TRIM5: variants seen among roughly 807,000 people sequenced by gnomAD.
TRIM5 encodes tripartite motif-containing protein 5.
Under a neutral mutation model 35.6 loss-of-function variants are expected in TRIM5, and 31 were observed. The ratio of observed to expected loss-of-function variants is 0.87; its 90% CI spans 0.65 to 1.18. The LOEUF is 1.18. Among genes scored for constraint, TRIM5 ranks in the 50% most tolerant of loss-of-function variants. The pLI is 0.00. For missense variants in TRIM5, 609 were observed against 591.6 expected (o/e 1.03, Z -0.31); for synonymous variants, 243 against 215.6 (o/e 1.13, Z -1.11).
chr11:5,663,089 C>T, downstream of TRIM5: 2 of 355,818 alleles, frequency 5.6e-6, no homozygotes, highest in Non-Finnish European at 7.8e-6. Flanking sequence ...CGTGCCATTG[C>T]ACTCCAGCTT....
chr11:5,631,394 A>C, the TRIM5 span, among the ~76,000 whole-genome samples: 1 of 152,226 alleles, frequency 6.6e-6, no homozygotes, highest in African/African-American at 2.4e-5. Context: ...TGTTCACTCC[A>C]ATTCTACCAT....
At chr11:5,680,509 C>G (rs1323567264) in intron 1 of TRIM5, among the ~76,000 whole-genome samples, 1 of 152,178 alleles carries the variant, frequency 6.6e-6, no homozygotes, top group Non-Finnish European at 1.5e-5. Flanking sequence ...AGAAAACAGA[C>G]TGAGGTCTTT....
chr11:5,609,423 C>G, the TRIM5 span, among the ~76,000 whole-genome samples: 3 of 152,254 alleles, frequency 2.0e-5, no homozygotes, highest in Admixed American at 1.3e-4. Flanking sequence ...TTTCAAAGCC[C>G]CAGCAATAGG....
chr11:5,627,016 A>G, the TRIM5 span, among the ~76,000 whole-genome samples: 4 of 152,140 alleles, frequency 2.6e-5, no homozygotes, highest in Admixed American at 2.6e-4. Flanking sequence ...GAGTGACATG[A>G]TTGACATCTG....
chr11:5,608,854 T>TTC, the TRIM5 span, among the ~76,000 whole-genome samples: 2 of 142,466 alleles, frequency 1.4e-5, no homozygotes, highest in Non-Finnish European at 3.0e-5. Flanking sequence ...TAAATTTTTT[T>TTC]TTTTTTTTTT....
the TRIM5 span, chr11:5,632,790 T>G: frequency 6.6e-7 from 1 of 1,509,456 alleles, no homozygotes; most frequent in African/African-American, 1.4e-5. Flanking sequence ...GGGCAGAAGA[T>G]GGTAGTTGGT....
At position 5,670,278 on chromosome 11, in the gene TRIM5, T is replaced by C. The variant is rs371518841; in HGVS notation, c.745-2567A>G. Among the ~76,000 whole-genome samples, 993 of 146,802 alleles carry C rather than the reference T, an allele frequency of 6.8e-3. 7 individuals are homozygous for C. The highest frequency in any genetic ancestry group is 0.012 in the African/African-American group (457 of 39,678). On this transcript the variant is annotated intron_variant, in intron 4 of 7. Transcript: ENST00000380034. ...CTGCAAGCTCTGCCTCCTGGGTTCA[T>C]GCCATTCTCCTGTTTCAGCCTCCCG...
the TRIM5 span, among the ~76,000 whole-genome samples, chr11:5,593,089 C>A: frequency 0.19 from 29,328 of 151,924 alleles, 2,936 homozygotes; most frequent in Middle Eastern, 0.32. Context: ...GCTTGTTTCT[C>A]CTACATCCCT....
rs373221898 is a variant in TRIM5 at position 5,666,079 on chromosome 11, G to A, written c.770C>T (p.Thr257Met). 86 of 1,565,892 alleles carry A rather than the reference G, an allele frequency of 5.5e-5. No individual in the cohort carries two copies. Among genetic ancestry groups the A allele is most frequent in the Admixed American group, 3.1e-4 (16 of 50,836 alleles). Residue 257 changes from threonine to methionine, a missense_variant and splice_region_variant, in exon 6 of 8, where the codon ACG becomes ATG. Coordinates refer to ENST00000380034, the MANE Select transcript of TRIM5 (RefSeq NM_033034.3). ...TGGCTTCTTCAAGGTCACGTTCTCC[G>A]TCCTAAGAATTAAAAAAAAAAAAAA... ...LQGVDGVIKR[T>M]ENVTLKKPET...
chr11:5,595,386 G>A, the TRIM5 span: 1 of 152,110 alleles, frequency 6.6e-6, no homozygotes, highest in African/African-American at 2.4e-5. Context: ...TAGTTATATA[G>A]GTCAAAATTA....
chr11:5,611,090 G>T, the TRIM5 span: 6 of 1,614,006 alleles, frequency 3.7e-6, no homozygotes, highest in Admixed American at 8.3e-5. Context: ...GGGTGATTGG[G>T]TTACAGCATA....
chr11:5,671,651 CTT>C (rs1851598550), intron 4 of TRIM5, among the ~76,000 whole-genome samples: 1 of 151,788 alleles, frequency 6.6e-6, no homozygotes, highest in East Asian at 1.9e-4. Flanking sequence ...GGAAAAAAGA[CTT>C]AAGAAATAAA....
At chr11:5,640,673 G>A in the TRIM5 span, among the ~76,000 whole-genome samples, 1 of 152,054 alleles carries the variant, frequency 6.6e-6, no homozygotes, top group African/African-American at 2.4e-5. Context: ...AATCAATTAG[G>A]AAGTGTTCCC....
At chr11:5,657,657 A>AATATATATTTATAATATAATAT in the TRIM5 span, among the ~76,000 whole-genome samples, 3 of 114,182 alleles carry the variant, frequency 2.6e-5, no homozygotes, top group Non-Finnish European at 5.2e-5. Context: ...TATTATATAT[A>AATATATATTTATAATATAATAT]ATATATATTT....
the TRIM5 span, among the ~76,000 whole-genome samples, chr11:5,618,271 G>A: frequency 6.6e-6 from 1 of 152,092 alleles, no homozygotes; most frequent in Non-Finnish European, 1.5e-5. Flanking sequence ...TTGGGAGGCT[G>A]AGGCAGGGGA....
At chr11:5,677,199 A>G (rs946728017) in intron 4 of TRIM5, among the ~76,000 whole-genome samples, 14 of 152,070 alleles carry the variant, frequency 9.2e-5, no homozygotes, top group African/African-American at 3.4e-4. Flanking sequence ...TTCACAACCC[A>G]CTCATCTGAC....
chr11:5,601,484 G>A, the TRIM5 span, among the ~76,000 whole-genome samples: 1 of 152,168 alleles, frequency 6.6e-6, no homozygotes, highest in African/African-American at 2.4e-5. Context: ...CAGGCTGGGC[G>A]CAGTGGCTCA....
At chr11:5,642,548 T>C in the TRIM5 span, 8 of 1,605,148 alleles carry the variant, frequency 5.0e-6, no homozygotes, top group Non-Finnish European at 5.1e-6. Context: ...GGGATTGTTG[T>C]GGTGTCAGGT....
At chr11:5,594,463 C>T in the TRIM5 span, among the ~76,000 whole-genome samples, 11 of 152,108 alleles carry the variant, frequency 7.2e-5, no homozygotes, top group Non-Finnish European at 1.5e-4. Context: ...GCACGTACCG[C>T]TATGCCTGGC....
Sources: gnomAD v4.1 joint callset for allele counts (sites outside exome capture counted in the v4.1 genomes callset) on GRCh38, gnomAD v4.1.1 for gene constraint, MANE v1.5 for transcripts, NCBI Gene and HGNC (gene_info 2026-07-23, HGNC 2026-07-21) for gene names.